BTBD7: variants seen among roughly 807,000 people sequenced by gnomAD.
The protein encoded by BTBD7 is BTB/POZ domain-containing protein 7.
In BTBD7, 38 loss-of-function variants were observed where a neutral mutation model predicts 99.9. That is an observed-to-expected ratio of 0.38 (90% CI 0.29 to 0.50). The LOEUF (loss-of-function observed/expected upper bound fraction) is 0.50. Ranked by LOEUF, BTBD7 falls within the 20% of genes least tolerant of loss-of-function variation. The pLI, the probability that BTBD7 is intolerant of heterozygous loss-of-function variation, is 0.93. For synonymous variants in BTBD7, 520 were observed against 511.4 expected (o/e 1.02, Z -0.23); for missense variants, 1,170 against 1,394.6 (o/e 0.84, Z 2.57).
chr14:93,244,748 T>C (rs2052283316), intron 10 of BTBD7, among the ~76,000 whole-genome samples: 1 of 151,994 alleles, frequency 6.6e-6, no homozygotes, highest in African/African-American at 2.4e-5. Flanking sequence ...AAGCTTCCAA[T>C]AAGCCATATT....
At chr14:93,271,135 A>AT (rs2052596419) in intron 3 of BTBD7, among the ~76,000 whole-genome samples, 1 of 152,148 alleles carries the variant, frequency 6.6e-6, no homozygotes, top group South Asian at 2.1e-4. Flanking sequence ...TTTATTATCA[A>AT]TTTTTGTTTC....
intron 4 of BTBD7, among the ~76,000 whole-genome samples, chr14:93,262,760 G>C (rs536356311): frequency 1.1e-4 from 17 of 150,472 alleles, no homozygotes; most frequent in Admixed American, 8.6e-4. Context: ...TAAAATCTTA[G>C]AGCAAATCTA....
chr14:93,327,914 T>C (rs1489743276), intron 1 of BTBD7, among the ~76,000 whole-genome samples: 3 of 152,132 alleles, frequency 2.0e-5, no homozygotes, highest in East Asian at 1.9e-4. Flanking sequence ...TTAGAACTAA[T>C]AAATCAGTAA....
intron 3 of BTBD7, among the ~76,000 whole-genome samples, chr14:93,277,316 G>A (rs1566845830): frequency 1.3e-5 from 2 of 152,138 alleles, no homozygotes. Flanking sequence ...TAAGCATGGG[G>A]GGTAATGAGA....
In BTBD7 at chr14:93,237,968, G is replaced by A. The variant is rs1286191323; in HGVS notation, c.*4305C>T. 2.0e-5 allele frequency: 3 copies of A among 152,476 alleles called. No individual in the cohort carries two copies. Among genetic ancestry groups the A allele is most frequent in the Admixed American group, 6.5e-5 (1 of 15,288 alleles). 9.4% of individuals were successfully genotyped at this position (152,476 alleles called of 1,614,324 possible). A position where few individuals can be genotyped will look rare whatever the true frequency, so the allele number is the denominator to read the frequency against. ...TTTTCCACCTCTCTGAAGTACAGAT[G>A]TGGTGCATACACAGCAAGGAGAGTT... On this transcript the variant is annotated 3_prime_UTR_variant, in exon 11 of 11. Coordinates refer to ENST00000334746, the MANE Select transcript of BTBD7 (RefSeq NM_001002860.4).
chr14:93,310,428 T>G (rs1191013586), intron 1 of BTBD7, among the ~76,000 whole-genome samples: 1 of 152,216 alleles, frequency 6.6e-6, no homozygotes, highest in Non-Finnish European at 1.5e-5. Flanking sequence ...AATTTTTTTT[T>G]GTTGAAGAAA....
chr14:93,292,177 G>A (rs1401077521), intron 3 of BTBD7, among the ~76,000 whole-genome samples: 2 of 152,010 alleles, frequency 1.3e-5, no homozygotes, highest in Non-Finnish European at 2.9e-5. Flanking sequence ...ACAAGATCAA[G>A]ACTCCGTTTT....
At chr14:93,281,293 T>G (rs564399050) in intron 3 of BTBD7, among the ~76,000 whole-genome samples, 1 of 152,002 alleles carries the variant, frequency 6.6e-6, no homozygotes, top group East Asian at 1.9e-4. Flanking sequence ...TGAGCCGCTG[T>G]GCCCTAATTT....
At chr14:93,314,222 A>G (rs2053173723) in intron 1 of BTBD7, among the ~76,000 whole-genome samples, 1 of 152,194 alleles carries the variant, frequency 6.6e-6, no homozygotes, top group Non-Finnish European at 1.5e-5. Flanking sequence ...TCAGTAGGGA[A>G]GTCTTGTAGA....
chr14:93,327,088 G>C (rs1381794743), intron 1 of BTBD7, among the ~76,000 whole-genome samples: 2 of 152,182 alleles, frequency 1.3e-5, no homozygotes, highest in Admixed American at 1.3e-4. Flanking sequence ...TGGAGCCCAG[G>C]AGGCCAAGGC....
rs149005273 is a variant in BTBD7 at position 93,274,938 on chromosome 14, C to T, written c.1163-10945G>A. On this transcript the variant is annotated intron_variant, in intron 3 of 10. Transcript: ENST00000334746. Reference sequence around the variant, plus strand: ...TATTGAGCTTTGTGCAGGCTCTGTACTACATGTGAGGGATACAATGATAAA... The same window carrying T: ...TATTGAGCTTTGTGCAGGCTCTGTATTACATGTGAGGGATACAATGATAAA... 5.9e-5 allele frequency among the ~76,000 whole-genome samples: 9 copies of T among 152,290 alleles called. 1 individual carries two copies. The East Asian group carries it at 1.5e-3, about 26-fold the overall frequency.
Position 93,254,696 on chromosome 14 carries a change from G to A in BTBD7, c.1609-906C>T, listed in dbSNP as rs181720331. Among the ~76,000 whole-genome samples the A allele has an allele frequency of 2.7e-3, 417 of 152,322 alleles. 11 individuals carry two copies. Among genetic ancestry groups the A allele is most frequent in the Admixed American group, 0.024 (361 of 15,296 alleles). On this transcript the variant is annotated intron_variant, in intron 6 of 10. Transcript: ENST00000334746. ...GAGGTATCCCTGTTGTTTCCTGACT[G>A]ATGCCAGGAGAATCTGTATCAAGTA...
intron 4 of BTBD7, 141 bp downstream of exon 4, chr14:93,263,644 T>C: frequency 5.6e-6 from 4 of 715,640 alleles, no homozygotes; most frequent in South Asian, 3.7e-5. Flanking sequence ...TGTACAACTA[T>C]GAAGAGGGCA....
rs942077025 is a variant in BTBD7, at chr14:93,297,367, G to C, written c.-106-1210C>G. Among the ~76,000 whole-genome samples the C allele has an allele frequency of 3.3e-5, 5 of 152,332 alleles. 1 individual carries two copies. Among genetic ancestry groups the C allele is most frequent in the Admixed American group, 6.5e-5 (1 of 15,294 alleles). On this transcript the variant is annotated intron_variant, in intron 1 of 10. Transcript: ENST00000334746. ...AGACGGAGTCTCGCTCTGGCGCCCA[G>C]GCTGGAGTGCAGTGGCGCAATCTCG... is the stretch of plus-strand genomic sequence containing the variant.
rs139164174 is a variant in BTBD7, at chr14:93,292,220, T to C, written c.1162+1638A>G. The stretch of plus-strand genomic sequence containing the variant: ...AAACAAAAAAACATATATTAAAGAA[T>C]GCTTTCTCATACAAAGTCTATATAA... On this transcript the variant is annotated intron_variant, in intron 3 of 10. Coordinates refer to ENST00000334746, the MANE Select transcript of BTBD7 (RefSeq NM_001002860.4). Among the ~76,000 whole-genome samples the C allele has an allele frequency of 5.2e-3, 790 of 152,184 alleles. 5 individuals are homozygous for C. The highest frequency in any genetic ancestry group is 7.9e-3 in the Non-Finnish European group (535 of 67,982).
At chr14:93,304,294 T>C (rs900655730) in intron 1 of BTBD7, among the ~76,000 whole-genome samples, 3 of 152,206 alleles carry the variant, frequency 2.0e-5, no homozygotes, top group Admixed American at 6.5e-5. Context: ...TACAGAAAGA[T>C]GGTTCACTCT....
chr14:93,297,331 A>T (rs561732259), intron 1 of BTBD7, among the ~76,000 whole-genome samples: 3 of 152,310 alleles, frequency 2.0e-5, no homozygotes, highest in South Asian at 2.1e-4. Context: ...ATGAAAATTA[A>T]TTATTTATTT....
At chr14:93,286,330 A>AT (rs2052776572) in intron 3 of BTBD7, among the ~76,000 whole-genome samples, 1 of 152,216 alleles carries the variant, frequency 6.6e-6, no homozygotes, top group African/African-American at 2.4e-5. Flanking sequence ...AATGACTAAC[A>AT]TAGGAATGCT....
At chr14:93,298,153 C>T (rs561686837) in intron 1 of BTBD7, among the ~76,000 whole-genome samples, 2 of 152,064 alleles carry the variant, frequency 1.3e-5, no homozygotes, top group African/African-American at 2.4e-5. Context: ...GCCTTGCCTC[C>T]GGATGAAGAA....
Sources: allele counts gnomAD v4.1 joint callset (sites outside exome capture counted in the v4.1 genomes callset), GRCh38; gene constraint gnomAD v4.1.1; transcripts MANE v1.5; gene names NCBI Gene and HGNC (gene_info 2026-07-23, HGNC 2026-07-21).